Variants in CXXC1 observed in about 807,000 individuals in gnomAD.
CXXC1 encodes CXXC-type zinc finger protein 1.
Under a neutral mutation model 83.6 loss-of-function variants are expected in CXXC1, and 21 were observed. The observed-to-expected ratio is 0.25, with a 90% confidence interval of 0.18 to 0.36. The LOEUF (loss-of-function observed/expected upper bound fraction) is 0.36. CXXC1 is among the 10% of genes least tolerant of loss of function. The pLI, the probability that CXXC1 is intolerant of heterozygous loss-of-function variation, is 1.00. For missense variants in CXXC1, 688 were observed against 919.5 expected (o/e 0.75, Z 3.26); for synonymous variants, 371 against 337.5 (o/e 1.10, Z -1.09).
intron 13 of CXXC1, 24 bp from the exon 14 acceptor site, chr18:50,283,030 GA>G: frequency 6.2e-7 from 1 of 1,612,604 alleles, no homozygotes; most frequent in Non-Finnish European, 8.5e-7. Context: ...AGGTTGGGGG[GA>G]TGAATAGCGG....
Position 50,285,696 on chromosome 18 carries a change from T to C in CXXC1, c.639+53A>G, listed in dbSNP as rs956696401. 2 of 1,591,596 alleles carry C rather than the reference T, an allele frequency of 1.3e-6. No individual in the cohort carries two copies. The highest frequency in any genetic ancestry group is 1.7e-6 in the Non-Finnish European group (2 of 1,171,490). On this transcript the variant is annotated intron_variant, in intron 5 of 14. Transcript: ENST00000285106. The surrounding 1 kb of genome is among the most constrained non-coding windows in gnomAD (Gnocchi z 4.4). ...ATGCCTAGACTTAACTAACCATGCA[T>C]GGACCCACCAGCTCTCCCACACCTG...
rs371542407 is a variant in CXXC1 at position 50,285,310 on chromosome 18, G to T, written c.666+15C>A. 2.5e-6 allele frequency: 4 copies of T among 1,608,656 alleles called. No individual in the cohort carries two copies. The highest frequency in any genetic ancestry group is 3.4e-6 in the Non-Finnish European group (4 of 1,176,564). On this transcript the variant is annotated intron_variant, in intron 6 of 14. Coordinates refer to ENST00000285106, the MANE Select transcript of CXXC1 (RefSeq NM_014593.4). The surrounding 1 kb of genome is among the most constrained non-coding windows in gnomAD (Gnocchi z 4.4). Reference sequence around the variant, plus strand: ...TGCCCGCATGCCCCACCCCACCCTGGGGGGCTGGACTCACCGAGGAAGGGA... The same window carrying T: ...TGCCCGCATGCCCCACCCCACCCTGTGGGGCTGGACTCACCGAGGAAGGGA...
chr18:50,285,395 G>T lies in CXXC1; in HGVS notation c.640-44C>A, dbSNP rs778058292. 1.2e-5 allele frequency: 18 copies of T among 1,557,572 alleles called. No individual in the cohort carries two copies. Among genetic ancestry groups the T allele is most frequent in the African/African-American group, 4.1e-5 (3 of 73,556 alleles). On this transcript the variant is annotated intron_variant, in intron 5 of 14. Transcript: ENST00000285106. This position sits in a 1 kb window ranked among gnomAD's most constrained non-coding sequence, Gnocchi z 4.4. ...GGCCCAGGTCAGCCCCAGGTGGATG[G>T]AGGGCGGCCTTGCCCTAGCCCTACC...
chr18:50,286,154 G>A lies in CXXC1; in HGVS notation c.327C>T (p.Arg109=), dbSNP rs2040710170. The stretch of plus-strand genomic sequence containing the variant: ...GGTCTGGATCAGGGACAGGCCTCTT[G>A]CGCCCTCCACCCTCATCCCGGGGCT... ...SSEPRDEGGG[R]KRPVPDPDLQ... The change falls in exon 4 of 15, where the codon CGC becomes CGT. Residue 109 remains arginine, a synonymous_variant. Transcript: ENST00000285106. 5 of 1,613,948 alleles carry A rather than the reference G, an allele frequency of 3.1e-6. No individual in the cohort carries two copies. Among genetic ancestry groups the A allele is most frequent in the East Asian group, 2.2e-5 (1 of 44,868 alleles).
intron 1 of CXXC1, 114 bp from the exon 2 acceptor site, chr18:50,286,972 A>T (rs577733112): frequency 3.9e-6 from 3 of 775,980 alleles, no homozygotes; most frequent in Non-Finnish European, 4.4e-6. Context: ...CAGATTTCAC[A>T]TCGGGGCCCC....
chr18:50,283,211 G>A (rs1351297018), intron 13 of CXXC1, 54 bp downstream of exon 13: 1 of 1,457,414 alleles, frequency 6.9e-7, no homozygotes, highest in South Asian at 1.1e-5. Context: ...ATGAATGTGG[G>A]ACAGCGAGGC....
At position 50,282,670 on chromosome 18, in the gene CXXC1, A is replaced by G. The variant is rs1314901281; in HGVS notation, c.1894T>C (p.Leu632=). ...VRTAMTNRAG[L]LALMLHQTIQ... ...GTCTGGTGCAGCATCAGGGCCAGCA[A>G]TCCCGCGCGGTTTGTCATGGCTGTG... The change falls in exon 15 of 15, where the codon TTG becomes CTG. Residue 632 remains leucine, a synonymous_variant. Transcript: ENST00000285106. This position sits in a 1 kb window ranked among gnomAD's most constrained non-coding sequence, Gnocchi z 5.8. 3 of 1,613,360 alleles carry G rather than the reference A, an allele frequency of 1.9e-6. No individual in the cohort carries two copies. The highest frequency in any genetic ancestry group is 1.3e-5 in the African/African-American group (1 of 74,916).
chr18:50,282,402 G>A lies in CXXC1; in HGVS notation c.*191C>T. ...CCAGGGAGAGGAGGCAAGGATGAGT[G>A]GACTCCGCAGCCCCACCAGGCACTG... On this transcript the variant is annotated 3_prime_UTR_variant, in exon 15 of 15. Coordinates refer to ENST00000285106, the MANE Select transcript of CXXC1 (RefSeq NM_014593.4). The surrounding 1 kb of genome is among the most constrained non-coding windows in gnomAD (Gnocchi z 5.8). The A allele has an allele frequency of 1.4e-6, 1 of 691,154 alleles. No homozygotes were observed. The highest frequency in any genetic ancestry group is 1.8e-5 in the South Asian group (1 of 55,642). The allele number at this position is 691,154 out of a possible 1,614,324, so 42.8% of individuals were successfully genotyped here. A position where few individuals can be genotyped will look rare whatever the true frequency, so the allele number is the denominator to read the frequency against.
intron 1 of CXXC1, 41 bp from the exon 2 acceptor site, chr18:50,286,899 C>A: frequency 7.2e-7 from 1 of 1,397,736 alleles, no homozygotes; most frequent in Non-Finnish European, 1.0e-6. Context: ...GCAGCCCCCA[C>A]CGTGGCGGCT....
At position 50,285,492 on chromosome 18, in the gene CXXC1, C is replaced by T. The variant is rs1429642818; in HGVS notation, c.640-141G>A. 3.5e-6 allele frequency: 4 copies of T among 1,152,878 alleles called. No homozygotes were observed. 71.4% of individuals were successfully genotyped at this position (1,152,878 alleles called of 1,614,324 possible). ...TCATTGCCAGGAATGCTCAGCCCTG[C>T]CTGATCTGTACCAACATGCATGACC... On this transcript the variant is annotated intron_variant, in intron 5 of 14. Transcript: ENST00000285106. The surrounding 1 kb of genome is among the most constrained non-coding windows in gnomAD (Gnocchi z 4.4).
chr18:50,287,074 C>T (rs987435686), intron 1 of CXXC1: 4 of 577,482 alleles, frequency 6.9e-6, no homozygotes, highest in Non-Finnish European at 9.3e-6. Context: ...ACGCACCCAC[C>T]GACACCCGCT....
At chr18:50,287,347 GATCA>G (rs2040731348) in intron 1 of CXXC1, 1 of 566,826 alleles carries the variant, frequency 1.8e-6, no homozygotes, top group Non-Finnish European at 3.2e-6. Flanking sequence ...AAGAACCCCC[GATCA>G]TGGTTTCCCA....
Position 50,285,779 on chromosome 18 carries a change from G to A in CXXC1, c.609C>T (p.Cys203=), listed in dbSNP as rs921797770. The A allele has an allele frequency of 6.2e-7, 1 of 1,613,836 alleles. No homozygotes were observed. The highest frequency in any genetic ancestry group is 8.5e-7 in the Non-Finnish European group (1 of 1,180,032). The change falls in exon 5 of 15, where the codon TGC becomes TGT. Residue 203 remains cysteine, a synonymous_variant. Transcript: ENST00000285106. This position sits in a 1 kb window ranked among gnomAD's most constrained non-coding sequence, Gnocchi z 4.4. ...CCCGCAGCTGGCACTGGCGCAGCCG[G>A]CACTTCTGCCGGATCTTGTTGGGGC... ...FGGPNKIRQK[C]RLRQCQLRAR...
chr18:50,287,040 T>G, intron 1 of CXXC1, 182 bp from the exon 2 acceptor site: 1 of 595,298 alleles, frequency 1.7e-6, no homozygotes. Flanking sequence ...TGACATCCTA[T>G]TACTCTGCTC....
At chr18:50,286,351 C>T (rs2040714517) in intron 3 of CXXC1, 94 bp from the exon 4 acceptor site, 5 of 1,224,978 alleles carry the variant, frequency 4.1e-6, no homozygotes, top group Admixed American at 2.0e-5. Flanking sequence ...CTTACTGACC[C>T]ACCCACCTAC....
At chr18:50,283,185 G>T in intron 13 of CXXC1, 80 bp downstream of exon 13, 1 of 1,342,436 alleles carries the variant, frequency 7.4e-7, no homozygotes, top group Non-Finnish European at 1.1e-6. Context: ...GGAAAAGTGA[G>T]GTGAGGAAGG....
In CXXC1 at chr18:50,284,569, A is replaced by G. The variant is rs1336125595; in HGVS notation, c.1021-7T>C. 1.0e-5 allele frequency: 16 copies of G among 1,582,362 alleles called. No individual in the cohort carries two copies. In the South Asian group the frequency reaches 1.6e-4, roughly 16 times the overall value. On this transcript the variant is annotated splice_polypyrimidine_tract_variant and splice_region_variant and intron_variant, in intron 8 of 14. Coordinates refer to ENST00000285106, the MANE Select transcript of CXXC1 (RefSeq NM_014593.4). ...GCTTGTATCGCTCCTCCTTCTGTTG[A>G]GCAAGACAAGTCAGGTCAGGGTGGA...
Position 50,283,527 on chromosome 18 carries a change from G to T in CXXC1, c.1562C>A (p.Thr521Lys). 1 of 1,613,602 alleles carries T rather than the reference G, an allele frequency of 6.2e-7. No homozygotes were observed. The change falls in exon 12 of 15, where the codon ACA (threonine) becomes AAA (lysine). Residue 521 changes from threonine to lysine, a missense_variant. Physicochemically the swap from Thr to Lys is moderately conservative, Grantham distance 78 (BLOSUM62 -1). This residue lies in a region of CXXC1 where 114 missense variants were observed against 173.3 expected (regional missense o/e 0.66). Coordinates refer to ENST00000285106, the MANE Select transcript of CXXC1 (RefSeq NM_014593.4). ...SQTSFGSMYPTRIEGATRLFC... is the reference protein window; with the variant it reads ...SQTSFGSMYPKRIEGATRLFC... Reference sequence around the variant, plus strand: ...CACCCTCACTTACCCTTCAATGCGTGTGGGGTACATGGACCCAAAGGACGT... The same window carrying T: ...CACCCTCACTTACCCTTCAATGCGTTTGGGGTACATGGACCCAAAGGACGT...
At position 50,283,025 on chromosome 18, in the gene CXXC1, G is replaced by T; in HGVS notation, c.1672-19C>A. The T allele has an allele frequency of 6.2e-7, 1 of 1,612,668 alleles. No individual in the cohort carries two copies. Among genetic ancestry groups the T allele is most frequent in the Non-Finnish European group, 8.5e-7 (1 of 1,179,676 alleles). On this transcript the variant is annotated intron_variant, in intron 13 of 14. Transcript: ENST00000285106. ...CTGGCACCTGCAAGGAGGCCAGGTT[G>T]GGGGGATGAATAGCGGTGATAAGGG...
Sources: allele counts gnomAD v4.1 joint callset, GRCh38; gene constraint gnomAD v4.1.1; regional missense constraint gnomAD v4.1.1; non-coding constraint Gnocchi (gnomAD v3.1); transcripts MANE v1.5; gene names NCBI Gene and HGNC (gene_info 2026-07-23, HGNC 2026-07-21).